The following GLYATL3 variants were observed in gnomAD, a reference collection of about 807,000 sequenced individuals.
GLYATL3 encodes the protein glycine-N-acyltransferase like 3, also known as glycine N-acyltransferase-like protein 3.
A neutral mutation model predicts 28.5 loss-of-function variants in GLYATL3; 31 were observed. The ratio of observed to expected loss-of-function variants is 1.09; its 90% CI spans 0.82 to 1.47. GLYATL3 has a LOEUF of 1.47. GLYATL3 is among the 40% of genes most tolerant of loss of function. The pLI is 0.00. For synonymous variants in GLYATL3, 141 were observed against 140.2 expected (o/e 1.01, Z -0.04); for missense variants, 369 against 351.5 (o/e 1.05, Z -0.40).
At chr6:49,524,557 T>C (rs1230662749) in intron 5 of GLYATL3, among the ~76,000 whole-genome samples, 1 of 152,154 alleles carries the variant, frequency 6.6e-6, no homozygotes, top group Non-Finnish European at 1.5e-5. Context: ...CTTTATATAG[T>C]AAACTAATAA....
At chr6:49,514,505 C>G (rs1033592628) in intron 2 of GLYATL3, among the ~76,000 whole-genome samples, 1 of 152,152 alleles carries the variant, frequency 6.6e-6, no homozygotes, top group Admixed American at 6.6e-5. Flanking sequence ...CATATGCAAG[C>G]TATTTTGTAG....
rs1427250604 is a variant in GLYATL3 at position 49,521,849 on chromosome 6, G to A, written c.440+78G>A. On this transcript the variant is annotated intron_variant, in intron 5 of 5. Coordinates refer to ENST00000371197, the MANE Select transcript of GLYATL3 (RefSeq NM_001010904.2). Reference sequence around the variant, plus strand: ...CACGTAGCAGTAACTGGGGTACTTAGTATCACTATGGAATATCCAGGCACT... The same window carrying A: ...CACGTAGCAGTAACTGGGGTACTTAATATCACTATGGAATATCCAGGCACT... 6.3e-6 allele frequency: 8 copies of A among 1,270,820 alleles called. No individual in the cohort carries two copies. In the East Asian group the frequency reaches 1.5e-4, roughly 24 times the overall value. 78.7% of individuals were successfully genotyped at this position (1,270,820 alleles called of 1,614,324 possible). A position where few individuals can be genotyped will look rare whatever the true frequency, so the allele number is the denominator to read the frequency against.
intron 1 of GLYATL3, among the ~76,000 whole-genome samples, chr6:49,502,329 T>C (rs1304075364): frequency 6.6e-6 from 1 of 152,226 alleles, no homozygotes; most frequent in Non-Finnish European, 1.5e-5. Context: ...ACCCCTCAGA[T>C]ACACCGTCTA....
chr6:49,508,960 G>C (rs1277777587), intron 1 of GLYATL3, among the ~76,000 whole-genome samples: 1 of 151,824 alleles, frequency 6.6e-6, no homozygotes, highest in Non-Finnish European at 1.5e-5. Flanking sequence ...CTGGGCAACA[G>C]AGCGAGACTG....
chr6:49,512,971 A>C (rs1235944737), intron 2 of GLYATL3, among the ~76,000 whole-genome samples: 2 of 152,200 alleles, frequency 1.3e-5, no homozygotes, highest in Non-Finnish European at 2.9e-5. Context: ...TTTGGCTAAA[A>C]AATAAAATGT....
intron 1 of GLYATL3, among the ~76,000 whole-genome samples, chr6:49,507,585 C>T (rs899198181): frequency 6.6e-6 from 1 of 152,092 alleles, no homozygotes; most frequent in Non-Finnish European, 1.5e-5. Flanking sequence ...AAAGCATACC[C>T]AGGGACCTTA....
chr6:49,503,435 C>T (rs1224880615), intron 1 of GLYATL3, among the ~76,000 whole-genome samples: 4 of 152,176 alleles, frequency 2.6e-5, no homozygotes, highest in African/African-American at 7.2e-5. Context: ...GAGGGGCAAC[C>T]CCTGCCCCTT....
chr6:49,518,030 GT>G (rs543373406), intron 4 of GLYATL3, among the ~76,000 whole-genome samples: 1 of 151,848 alleles, frequency 6.6e-6, no homozygotes, highest in African/African-American at 2.4e-5. Flanking sequence ...TCAAATGACT[GT>G]TTTTTTTCTG....
At position 49,515,867 on chromosome 6, in the gene GLYATL3, T is replaced by TA. The variant is rs80035238; in HGVS notation, c.186+107_186+108insA. 624 of 672,748 alleles carry TA rather than the reference T, an allele frequency of 9.3e-4. 5 individuals carry two copies. In the African/African-American group the frequency reaches 0.01, roughly 11 times the overall value. The allele number at this position is 672,748 out of a possible 1,614,324, so 41.7% of individuals were successfully genotyped here. A position where few individuals can be genotyped will look rare whatever the true frequency, so the allele number is the denominator to read the frequency against. Reference sequence around the variant, plus strand: ...AGCCATTTACATTAGCTTACAACACTGTTTCACCATTCATTTCTTTTCTTT... The same window carrying TA: ...AGCCATTTACATTAGCTTACAACACTAGTTTCACCATTCATTTCTTTTCTTT... On this transcript the variant is annotated intron_variant, in intron 3 of 5. Transcript: ENST00000371197.
In GLYATL3 at chr6:49,526,997, G is replaced by A. The variant is rs893445207; in HGVS notation, c.*83G>A. 1.0e-6 allele frequency: 1 copy of A among 989,160 alleles called. No individual in the cohort carries two copies. Among genetic ancestry groups the A allele is most frequent in the Non-Finnish European group, 1.4e-6 (1 of 689,668 alleles). 61.3% of individuals were successfully genotyped at this position (989,160 alleles called of 1,614,324 possible). A position where few individuals can be genotyped will look rare whatever the true frequency, so the allele number is the denominator to read the frequency against. ...CTGCCAACGAGGGGAGAGTTAAAAT[G>A]GGAATCAGGGGACTCTTGAGTTGTT... On this transcript the variant is annotated 3_prime_UTR_variant, in exon 6 of 6. Transcript: ENST00000371197.
At chr6:49,510,726 A>G (rs1467470911) in intron 1 of GLYATL3, among the ~76,000 whole-genome samples, 1 of 152,062 alleles carries the variant, frequency 6.6e-6, no homozygotes, top group African/African-American at 2.4e-5. Flanking sequence ...CAAAGTTTCT[A>G]ATATTGGTCC....
rs540979614 is a variant in GLYATL3, at chr6:49,515,604, T to C, written c.79-49T>C. The C allele has an allele frequency of 4.5e-4, 473 of 1,053,958 alleles. 1 individual carries two copies. The African/African-American group carries it at 6.1e-3, about 14-fold the overall frequency. 65.3% of individuals were successfully genotyped at this position (1,053,958 alleles called of 1,614,324 possible). A position where few individuals can be genotyped will look rare whatever the true frequency, so the allele number is the denominator to read the frequency against. ...AGAGGTAAAGACGATAATATGTGAG[T>C]GAAACAGCTAATAGTATGATTGGCT... On this transcript the variant is annotated intron_variant, in intron 2 of 5. Coordinates refer to ENST00000371197, the MANE Select transcript of GLYATL3 (RefSeq NM_001010904.2).
intron 1 of GLYATL3, among the ~76,000 whole-genome samples, chr6:49,510,894 T>G (rs1769111130): frequency 6.6e-6 from 1 of 152,260 alleles, no homozygotes. Flanking sequence ...CAGGCTCACA[T>G]AAACCTCATG....
intron 3 of GLYATL3, 73 bp from the exon 4 acceptor site, chr6:49,517,357 T>G: frequency 7.7e-7 from 1 of 1,304,818 alleles, no homozygotes; most frequent in African/African-American, 1.5e-5. Context: ...CAGCTAACGG[T>G]ATCTAATCTA....
chr6:49,506,730 G>T (rs1769017831), intron 1 of GLYATL3, among the ~76,000 whole-genome samples: 1 of 152,140 alleles, frequency 6.6e-6, no homozygotes, highest in Non-Finnish European at 1.5e-5. Context: ...GTGTTTGCTT[G>T]TAGTAAATCA....
intron 5 of GLYATL3, among the ~76,000 whole-genome samples, chr6:49,522,358 TCTTTCAAAACA>T (rs60701969): frequency 0.45 from 68,707 of 151,614 alleles, 16,247 homozygotes; most frequent in East Asian, 0.61. Context: ...CCAGATGCAA[TCTTTCAAAACA>T]CTCATTAGTT....
chr6:49,519,810 A>G (rs1353850692), intron 4 of GLYATL3, among the ~76,000 whole-genome samples: 2 of 152,250 alleles, frequency 1.3e-5, no homozygotes, highest in African/African-American at 4.8e-5. Context: ...TACCCAGAGT[A>G]GCTAAACCCC....
chr6:49,522,911 T>C (rs1769341653), intron 5 of GLYATL3, among the ~76,000 whole-genome samples: 1 of 152,122 alleles, frequency 6.6e-6, no homozygotes, highest in Admixed American at 6.5e-5. Context: ...TCTTTCCACT[T>C]CCTGGATTAT....
intron 1 of GLYATL3, among the ~76,000 whole-genome samples, chr6:49,511,603 C>A (rs1769123773): frequency 6.6e-6 from 1 of 152,172 alleles, no homozygotes; most frequent in African/African-American, 2.4e-5. Flanking sequence ...GGCATCGGTC[C>A]TACCTTCATA....
Sources: gnomAD v4.1 joint callset for allele counts (sites outside exome capture counted in the v4.1 genomes callset) on GRCh38, gnomAD v4.1.1 for gene constraint, MANE v1.5 for transcripts, NCBI Gene and HGNC (gene_info 2026-07-23, HGNC 2026-07-21) for gene names.